Variants in PTPRD observed in about 807,000 individuals in gnomAD.
The protein encoded by PTPRD is protein tyrosine phosphatase receptor type D, also known as receptor-type tyrosine-protein phosphatase delta.
Under a neutral mutation model 214.5 loss-of-function variants are expected in PTPRD, and 34 were observed. The ratio of observed to expected loss-of-function variants is 0.16; its 90% CI spans 0.12 to 0.21. The LOEUF (loss-of-function observed/expected upper bound fraction) is 0.21. Among genes scored for constraint, PTPRD ranks in the 10% least tolerant of loss-of-function variants. PTPRD has a pLI of 1.00. For synonymous variants in PTPRD, 1,128 were observed against 845.7 expected, an observed-to-expected ratio of 1.33 and a Z score of -5.79; for missense variants, 2,545 against 2,398.7, an observed-to-expected ratio of 1.06 and a Z score of -1.27.
chr9:9,906,082 C>T (rs1370237788), intron 5 of PTPRD, among the ~76,000 whole-genome samples: 1 of 151,974 alleles, frequency 6.6e-6, no homozygotes, highest in South Asian at 2.1e-4. Flanking sequence ...ATACAGGATG[C>T]CTGCGAGGCA....
chr9:8,424,683 G>A (rs2094551509), intron 35 of PTPRD, among the ~76,000 whole-genome samples: 1 of 130 alleles, frequency 7.7e-3, no homozygotes, highest in Non-Finnish European at 0.014. Context: ...GAAGGGGACT[G>A]GGAAGAAAAG....
chr9:10,188,758 T>A (rs915417757), intron 3 of PTPRD, among the ~76,000 whole-genome samples: 2 of 152,082 alleles, frequency 1.3e-5, no homozygotes, highest in Non-Finnish European at 2.9e-5. Flanking sequence ...CAGAAGCAAA[T>A]AGGTTGATTA....
rs192904164 is a variant in PTPRD at position 8,550,865 on chromosome 9, C to T, written c.353-22086G>A. 1.4e-3 allele frequency among the ~76,000 whole-genome samples: 218 copies of T among 152,264 alleles called. 1 individual carries two copies. The highest frequency in any genetic ancestry group is 8.1e-3 in the South Asian group (39 of 4,828). On this transcript the variant is annotated intron_variant, in intron 14 of 45. Coordinates refer to ENST00000381196, the MANE Select transcript of PTPRD (RefSeq NM_002839.4). ...GTCAGGCTCTTTAGAGAAATAAGAA[C>T]GCAACAGCACCAAGGCTGGGTATGA... is the stretch of plus-strand genomic sequence containing the variant.
At chr9:10,057,861 A>AC (rs1555527404) in intron 3 of PTPRD, among the ~76,000 whole-genome samples, 3 of 94,250 alleles carry the variant, frequency 3.2e-5, no homozygotes, top group African/African-American at 1.1e-4. Flanking sequence ...CAAAAAAAAA[A>AC]CAAAAAAAAA....
intron 10 of PTPRD, among the ~76,000 whole-genome samples, chr9:9,135,459 G>A (rs958329729): frequency 1.3e-5 from 2 of 152,130 alleles, no homozygotes; most frequent in East Asian, 1.9e-4. Context: ...TTTTCCCTGT[G>A]ATGGCTGCCA....
chr9:9,739,262 A>G (rs1196997551), intron 6 of PTPRD, among the ~76,000 whole-genome samples: 1 of 152,164 alleles, frequency 6.6e-6, no homozygotes, highest in Non-Finnish European at 1.5e-5. Context: ...CTTTATCTCA[A>G]AAGGAACCAC....
intron 9 of PTPRD, among the ~76,000 whole-genome samples, chr9:9,203,458 C>A (rs1486055606): frequency 1.3e-5 from 2 of 152,128 alleles, no homozygotes; most frequent in Non-Finnish European, 2.9e-5. Context: ...CATCATCTAT[C>A]AATTCTCTCA....
At chr9:10,350,717 C>T (rs1266252601) in intron 2 of PTPRD, among the ~76,000 whole-genome samples, 1 of 152,158 alleles carries the variant, frequency 6.6e-6, no homozygotes, top group Non-Finnish European at 1.5e-5. Context: ...GGCTTCTGCA[C>T]AACCTCTCAA....
intron 3 of PTPRD, among the ~76,000 whole-genome samples, chr9:10,253,156 T>A (rs1168517295): frequency 6.6e-6 from 1 of 152,146 alleles, no homozygotes; most frequent in African/African-American, 2.4e-5. Flanking sequence ...AATTTGATGA[T>A]TAAAAAAATT....
At chr9:9,714,089 CAAA>C (rs5896350) in intron 7 of PTPRD, among the ~76,000 whole-genome samples, 84 of 126,940 alleles carry the variant, frequency 6.6e-4, no homozygotes, top group South Asian at 7.6e-4. Flanking sequence ...TTCACTTGCG[CAAA>C]AAAAAAAAAA....
chr9:8,690,244 T>G (rs1220167124), intron 12 of PTPRD, among the ~76,000 whole-genome samples: 1 of 152,062 alleles, frequency 6.6e-6, no homozygotes, highest in East Asian at 1.9e-4. Context: ...ATATTTAGAT[T>G]TGGCCGGGTG....
intron 14 of PTPRD, among the ~76,000 whole-genome samples, chr9:8,552,399 G>C (rs2082369062): frequency 6.6e-6 from 1 of 152,146 alleles, no homozygotes; most frequent in Non-Finnish European, 1.5e-5. Context: ...TATGACATGT[G>C]TTTTTGGATT....
chr9:9,646,806 G>A (rs1174992963), intron 7 of PTPRD, among the ~76,000 whole-genome samples: 3 of 152,062 alleles, frequency 2.0e-5, no homozygotes, highest in South Asian at 4.2e-4. Context: ...TTAGGCACAG[G>A]AAAAGATGAA....
chr9:9,129,715 T>G (rs928422187), intron 10 of PTPRD, among the ~76,000 whole-genome samples: 3 of 152,292 alleles, frequency 2.0e-5, no homozygotes, highest in African/African-American at 7.2e-5. Flanking sequence ...CTAGCCAGAT[T>G]TTTTTCCCTT....
At chr9:10,442,238 T>C (rs1373749073) in intron 2 of PTPRD, among the ~76,000 whole-genome samples, 2 of 151,684 alleles carry the variant, frequency 1.3e-5, no homozygotes, top group Non-Finnish European at 3.0e-5. Context: ...CAATATTTAA[T>C]TATTTCTTTC....
rs764776710 is a variant in PTPRD at position 8,676,975 on chromosome 9, C to T, written c.65-40131G>A. ...AAAAAGAATGCCTGAATGAAATGAA[C>T]GAATAAAGTGAATATTAAGGAAATT... On this transcript the variant is annotated intron_variant, in intron 12 of 45. Transcript: ENST00000381196. Among the ~76,000 whole-genome samples the T allele has an allele frequency of 4.6e-5, 7 of 152,126 alleles. 1 individual carries two copies. Among genetic ancestry groups the T allele is most frequent in the South Asian group, 2.1e-4 (1 of 4,812 alleles).
intron 11 of PTPRD, among the ~76,000 whole-genome samples, chr9:8,771,004 C>A (rs1180641038): frequency 1.3e-5 from 2 of 151,662 alleles, no homozygotes; most frequent in Non-Finnish European, 2.9e-5. Context: ...ACGGTGAAAC[C>A]CCGTCTCTAC....
chr9:9,071,994 A>C (rs2099744434), intron 10 of PTPRD, among the ~76,000 whole-genome samples: 1 of 151,988 alleles, frequency 6.6e-6, no homozygotes, highest in Non-Finnish European at 1.5e-5. Flanking sequence ...CTTCCTCATC[A>C]CTGCACAGTC....
chr9:9,167,980 G>A (rs1406407997), intron 10 of PTPRD, among the ~76,000 whole-genome samples: 1 of 152,090 alleles, frequency 6.6e-6, no homozygotes, highest in Admixed American at 6.6e-5. Context: ...TCCTTCTGTG[G>A]AGTAGATTTT....
Sources: allele counts gnomAD v4.1 joint callset (sites outside exome capture counted in the v4.1 genomes callset), GRCh38; gene constraint gnomAD v4.1.1; transcripts MANE v1.5; gene names NCBI Gene and HGNC (gene_info 2026-07-23, HGNC 2026-07-21).